Variants in B3GALNT2 observed in about 807,000 individuals in gnomAD.
B3GALNT2 encodes the protein UDP-GalNAc:beta-1,3-N-acetylgalactosaminyltransferase 2.
Under a neutral mutation model 61.1 loss-of-function variants are expected in B3GALNT2, and 53 were observed. That is an observed-to-expected ratio of 0.87 (90% CI 0.70 to 1.09). The LOEUF (loss-of-function observed/expected upper bound fraction) is 1.09, where lower values mean the gene tolerates loss of function less well. Ranked by LOEUF, B3GALNT2 falls within the 50% of genes least tolerant of loss-of-function variation. The pLI, the probability that B3GALNT2 is intolerant of heterozygous loss-of-function variation, is 0.00. For synonymous variants in B3GALNT2, 223 were observed against 237.4 expected (o/e 0.94, Z 0.56); for missense variants, 544 against 623.0 (o/e 0.87, Z 1.35).
chr1:235,504,366 G>A lies in B3GALNT2; in HGVS notation c.-114C>T, dbSNP rs1275963465. Reference sequence around the variant, plus strand: ...ACGAGCGACCACTCCGAGCACGCCCGCCCTCGCGCTCGGCGACGTCTGGGG... The same window carrying A: ...ACGAGCGACCACTCCGAGCACGCCCACCCTCGCGCTCGGCGACGTCTGGGG... On this transcript the variant is annotated 5_prime_UTR_variant, in exon 1 of 12. Transcript: ENST00000366600. 2.4e-6 allele frequency: 3 copies of A among 1,230,944 alleles called. No homozygotes were observed. The highest frequency in any genetic ancestry group is 3.2e-6 in the Non-Finnish European group (3 of 933,952). The allele number at this position is 1,230,944 out of a possible 1,614,324, so 76.3% of individuals were successfully genotyped here.
chr1:235,489,248 A>G lies in B3GALNT2; in HGVS notation c.281T>C (p.Ile94Thr). ...LSQRVLVKFI[I>T]GAHGCEVPVE... Reference sequence around the variant, plus strand: ...AGGCACTTCACAGCCATGAGCACCTATTATGAACTTCACAAGCACACTGAG... The same window carrying G: ...AGGCACTTCACAGCCATGAGCACCTGTTATGAACTTCACAAGCACACTGAG... The change falls in exon 3 of 12, where the codon ATA (isoleucine) becomes ACA (threonine). Residue 94 changes from isoleucine to threonine, a missense_variant. Ile to Thr is a moderately conservative substitution (Grantham distance 89). Coordinates refer to ENST00000366600, the MANE Select transcript of B3GALNT2 (RefSeq NM_152490.5). 6.2e-7 allele frequency: 1 copy of G among 1,613,942 alleles called. No individual in the cohort carries two copies. The highest frequency in any genetic ancestry group is 8.5e-7 in the Non-Finnish European group (1 of 1,179,922).
intron 5 of B3GALNT2, among the ~76,000 whole-genome samples, chr1:235,471,373 C>T (rs1684001190): frequency 1.3e-5 from 2 of 152,132 alleles, no homozygotes; most frequent in African/African-American, 4.8e-5. Context: ...TACTAAGTAT[C>T]TACTAAAATA....
At chr1:235,492,311 ATCTTACTAGGTAC>A (rs757552133) in intron 2 of B3GALNT2, among the ~76,000 whole-genome samples, 4 of 152,198 alleles carry the variant, frequency 2.6e-5, no homozygotes, top group African/African-American at 4.8e-5. Flanking sequence ...TTTTTTAGCC[ATCTTACTAGGTAC>A]TCTTACTAGA....
At chr1:235,461,454 G>C (rs1683423957) in intron 7 of B3GALNT2, among the ~76,000 whole-genome samples, 2 of 151,232 alleles carry the variant, frequency 1.3e-5, no homozygotes, top group African/African-American at 4.9e-5. Context: ...CCCTGATGCA[G>C]GTAGGCAGAA....
downstream of B3GALNT2, among the ~76,000 whole-genome samples, chr1:235,445,526 C>T (rs1255194024): frequency 1.3e-5 from 2 of 152,044 alleles, no homozygotes; most frequent in Non-Finnish European, 2.9e-5. Flanking sequence ...GTCCCAGCTG[C>T]TTGGGCGGCT....
At chr1:235,484,278 T>A in intron 4 of B3GALNT2, 44 bp downstream of exon 4, 2 of 1,527,056 alleles carry the variant, frequency 1.3e-6, no homozygotes, top group Non-Finnish European at 8.8e-7. Context: ...TTGATGTTTT[T>A]GAAAAAGAAA....
At chr1:235,494,336 G>C (rs533299127) in intron 2 of B3GALNT2, among the ~76,000 whole-genome samples, 29 of 152,108 alleles carry the variant, frequency 1.9e-4, no homozygotes, top group Non-Finnish European at 3.5e-4. Context: ...TTAAAATGTT[G>C]GTTAAATTTA....
intron 7 of B3GALNT2, among the ~76,000 whole-genome samples, chr1:235,460,274 G>T (rs1432158741): frequency 6.6e-6 from 1 of 151,496 alleles, no homozygotes; most frequent in Non-Finnish European, 1.5e-5. Flanking sequence ...CTGCCACTGT[G>T]CCCAGCTAAT....
chr1:235,470,812 TA>T, intron 6 of B3GALNT2, 37 bp downstream of exon 6: 8 of 1,589,608 alleles, frequency 5.0e-6, no homozygotes, highest in Non-Finnish European at 6.8e-6. Context: ...AAAAAGAAGC[TA>T]AAATATGCAA....
At chr1:235,472,184 C>G (rs1356577175) in intron 5 of B3GALNT2, among the ~76,000 whole-genome samples, 1 of 152,134 alleles carries the variant, frequency 6.6e-6, no homozygotes, top group Non-Finnish European at 1.5e-5. Flanking sequence ...TCATTTGCTA[C>G]TTAATGCTAT....
intron 5 of B3GALNT2, among the ~76,000 whole-genome samples, 180 bp from the exon 6 acceptor site, chr1:235,471,140 C>G (rs187158254): frequency 1.3e-5 from 2 of 152,204 alleles, no homozygotes; most frequent in Admixed American, 1.3e-4. Context: ...CCGTTTTTTC[C>G]ATGCACATAT....
At chr1:235,459,146 G>GAA (rs558151374) in intron 7 of B3GALNT2, among the ~76,000 whole-genome samples, 12 of 133,126 alleles carry the variant, frequency 9.0e-5, no homozygotes, top group African/African-American at 3.0e-4. Context: ...TCCACTGAGA[G>GAA]AAAAAAAAAA....
intron 11 of B3GALNT2, among the ~76,000 whole-genome samples, chr1:235,452,683 G>A (rs1332767622): frequency 6.6e-6 from 1 of 152,040 alleles, no homozygotes; most frequent in Non-Finnish European, 1.5e-5. Flanking sequence ...CTGAGTAGCT[G>A]GGACCACAGG....
chr1:235,501,215 A>C (rs1685567213), intron 1 of B3GALNT2, among the ~76,000 whole-genome samples: 1 of 152,238 alleles, frequency 6.6e-6, no homozygotes, highest in African/African-American at 2.4e-5. Context: ...TAGATTCCTT[A>C]GTCCGATGGT....
chr1:235,465,481 G>A (rs1683643770), intron 7 of B3GALNT2, 155 bp downstream of exon 7: 1 of 1,186,708 alleles, frequency 8.4e-7, no homozygotes, highest in Non-Finnish European at 1.1e-6. Context: ...AGAACTCTAA[G>A]AATACACTAA....
intron 2 of B3GALNT2, among the ~76,000 whole-genome samples, chr1:235,491,084 TAAAAAAAA>T (rs34246434): frequency 7.2e-6 from 1 of 138,928 alleles, no homozygotes; most frequent in Admixed American, 7.2e-5. Flanking sequence ...AGTGAATAGT[TAAAAAAAA>T]AAAAAAAAGT....
downstream of B3GALNT2, among the ~76,000 whole-genome samples, chr1:235,445,204 CCCT>C (rs142440362): frequency 1.2e-3 from 181 of 152,204 alleles, 1 homozygote; most frequent in Middle Eastern, 3.4e-3. Context: ...CCTTTTTTTC[CCCT>C]TTTTTATTTG....
At chr1:235,477,840 T>A (rs992969492) in intron 5 of B3GALNT2, among the ~76,000 whole-genome samples, 73 of 152,136 alleles carry the variant, frequency 4.8e-4, no homozygotes, top group Non-Finnish European at 9.1e-4. Flanking sequence ...AATGACAACA[T>A]CTATTGATCT....
At chr1:235,446,912 G>A (rs543351913), downstream of B3GALNT2, among the ~76,000 whole-genome samples, 2 of 152,132 alleles carry the variant, frequency 1.3e-5, no homozygotes, top group South Asian at 4.2e-4. Context: ...TCAAATTCCT[G>A]GGCTCTGATC....
Sources: allele counts gnomAD v4.1 joint callset (sites outside exome capture counted in the v4.1 genomes callset), GRCh38; gene constraint gnomAD v4.1.1; transcripts MANE v1.5; gene names NCBI Gene and HGNC (gene_info 2026-07-23, HGNC 2026-07-21).